The following VPS13B variants were observed in gnomAD, a reference collection of about 807,000 sequenced individuals.
VPS13B encodes the protein vacuolar protein sorting 13 homolog B.
Under a neutral mutation model 426.4 loss-of-function variants are expected in VPS13B, and 285 were observed. The observed-to-expected ratio is 0.67, with a 90% CI of 0.61 to 0.74. VPS13B has a LOEUF of 0.74. Among genes scored for constraint, VPS13B ranks in the 30% least tolerant of loss-of-function variants. The pLI is 0.00. For synonymous variants in VPS13B, 1,676 were observed against 1,676.4 expected (o/e 1.00, Z 0.01); for missense variants, 4,537 against 4,782.6 (o/e 0.95, Z 1.51).
intron 17 of VPS13B, among the ~76,000 whole-genome samples, chr8:99,236,836 A>G (rs1816678677): frequency 6.6e-6 from 1 of 152,204 alleles, no homozygotes; most frequent in East Asian, 1.9e-4. Flanking sequence ...ACATTTGATA[A>G]TGCTGTGGTA....
At chr8:99,125,855 CTCTT>C (rs1244179675) in intron 8 of VPS13B, among the ~76,000 whole-genome samples, 1 of 151,786 alleles carries the variant, frequency 6.6e-6, no homozygotes, top group African/African-American at 2.4e-5. Context: ...GTACAGAAAA[CTCTT>C]TCAAGACAGT....
intron 16 of VPS13B, among the ~76,000 whole-genome samples, chr8:99,190,195 A>G (rs553668087): frequency 6.6e-6 from 1 of 152,158 alleles, no homozygotes; most frequent in South Asian, 2.1e-4. Context: ...TTTGTTCCAG[A>G]GTTTACTTTG....
chr8:99,080,873 A>C (rs942296615), intron 3 of VPS13B, among the ~76,000 whole-genome samples: 2 of 152,072 alleles, frequency 1.3e-5, no homozygotes, highest in African/African-American at 4.8e-5. Context: ...CTATTTCACC[A>C]TCTTCTTCTT....
intron 24 of VPS13B, among the ~76,000 whole-genome samples, chr8:99,479,489 A>G (rs1156649089): frequency 1.3e-5 from 2 of 152,190 alleles, no homozygotes; most frequent in African/African-American, 4.8e-5. Flanking sequence ...CATACAATAA[A>G]CTGCATGTTT....
At chr8:99,832,036 G>C (rs371652112) in intron 51 of VPS13B, among the ~76,000 whole-genome samples, 2 of 152,090 alleles carry the variant, frequency 1.3e-5, no homozygotes, top group Non-Finnish European at 2.9e-5. Context: ...CAAGGTGGGC[G>C]GATCACTTGA....
intron 55 of VPS13B, among the ~76,000 whole-genome samples, chr8:99,852,835 C>T (rs927531921): frequency 1.1e-4 from 16 of 151,982 alleles, no homozygotes; most frequent in Non-Finnish European, 1.5e-5. Flanking sequence ...TGAGAGATGA[C>T]AGCATGTTTA....
intron 35 of VPS13B, chr8:99,696,562 G>C (rs1832013071): frequency 1.9e-6 from 1 of 516,472 alleles, no homozygotes; most frequent in Admixed American, 2.9e-5. Flanking sequence ...CTCTTCCCCA[G>C]CATGCCAGCA....
intron 22 of VPS13B, among the ~76,000 whole-genome samples, chr8:99,441,266 ATTAT>A (rs957383959): frequency 6.6e-6 from 1 of 152,120 alleles, no homozygotes; most frequent in African/African-American, 2.4e-5. Context: ...AGGTTGACAA[ATTAT>A]TTATCCTATC....
At chr8:99,614,102 C>T (rs1827961337) in intron 33 of VPS13B, 1 of 152,064 alleles carries the variant, frequency 6.6e-6, no homozygotes. Flanking sequence ...CTAGTTTATA[C>T]CCCTCAGTTA....
Position 99,670,618 on chromosome 8 carries a change from C to CATTCA in VPS13B, c.6046+9128_6046+9132dup, listed in dbSNP as rs374222181. On this transcript the variant is annotated intron_variant, in intron 35 of 61. Coordinates refer to ENST00000357162, the MANE Select transcript of VPS13B (RefSeq NM_152564.5). Reference sequence around the variant, plus strand: ...TCCTGCAAAACTGAAACTTTGTACCCATTCACCAACCTCTCCATATTGTCC... The same window carrying CATTCA: ...TCCTGCAAAACTGAAACTTTGTACCCATTCAATTCACCAACCTCTCCATATTGTCC... Among the ~76,000 whole-genome samples the CATTCA allele has an allele frequency of 1.2e-4, 19 of 152,162 alleles. 2 individuals are homozygous for CATTCA. The highest frequency in any genetic ancestry group is 4.6e-4 in the African/African-American group (19 of 41,524).
At chr8:99,084,971 T>C (rs939999663) in intron 3 of VPS13B, among the ~76,000 whole-genome samples, 3 of 151,070 alleles carry the variant, frequency 2.0e-5, no homozygotes, top group African/African-American at 4.9e-5. Flanking sequence ...CTATTAGGTC[T>C]GCTTGGTGCA....
chr8:99,437,470 C>T (rs370405272), intron 22 of VPS13B, among the ~76,000 whole-genome samples: 1 of 151,732 alleles, frequency 6.6e-6, no homozygotes, highest in South Asian at 2.1e-4. Context: ...GTAATCCCAG[C>T]ACTTTGGAAG....
At chr8:99,825,923 T>G (rs1004626582) in intron 51 of VPS13B, among the ~76,000 whole-genome samples, 2 of 152,048 alleles carry the variant, frequency 1.3e-5, no homozygotes, top group Admixed American at 6.6e-5. Context: ...TGTTCCATTG[T>G]TCTATATATC....
intron 25 of VPS13B, among the ~76,000 whole-genome samples, chr8:99,490,461 G>A (rs563094640): frequency 4.1e-4 from 63 of 152,276 alleles, no homozygotes; most frequent in Admixed American, 1.2e-3. Flanking sequence ...GATTGGAATA[G>A]TTTCAGAAGG....
rs796917717 is a variant in VPS13B, at chr8:99,179,334, T to C, written c.2333+9171T>C. On this transcript the variant is annotated intron_variant, in intron 16 of 61. Transcript: ENST00000357162. ...TTATGACCTCTTTACTAGAATACTTTGCTTCTTACAATTTATATGGTAAAG... is the reference window on the plus strand; with the variant it reads ...TTATGACCTCTTTACTAGAATACTTCGCTTCTTACAATTTATATGGTAAAG... 5.1e-4 allele frequency among the ~76,000 whole-genome samples: 77 copies of C among 152,322 alleles called. 1 individual carries two copies. Among genetic ancestry groups the C allele is most frequent in the Middle Eastern group, 3.4e-3 (1 of 294 alleles).
chr8:99,555,003 A>G (rs1258976276), intron 30 of VPS13B, among the ~76,000 whole-genome samples: 1 of 152,070 alleles, frequency 6.6e-6, no homozygotes, highest in Non-Finnish European at 1.5e-5. Context: ...GAATCATGAG[A>G]ATTATCCTCA....
At chr8:99,478,686 T>A (rs913698482) in intron 24 of VPS13B, among the ~76,000 whole-genome samples, 1 of 151,848 alleles carries the variant, frequency 6.6e-6, no homozygotes, top group Non-Finnish European at 1.5e-5. Flanking sequence ...TGACCTCAGG[T>A]GATCCGCCTG....
chr8:99,087,205 A>T (rs1215932023), intron 3 of VPS13B, among the ~76,000 whole-genome samples: 1 of 152,022 alleles, frequency 6.6e-6, no homozygotes, highest in African/African-American at 2.4e-5. Context: ...TTGATCTCAG[A>T]CTGCTGTGCT....
At chr8:99,584,143 T>A (rs1826199622) in intron 33 of VPS13B, among the ~76,000 whole-genome samples, 1 of 152,130 alleles carries the variant, frequency 6.6e-6, no homozygotes, top group South Asian at 2.1e-4. Flanking sequence ...TTTCTTAAAA[T>A]CTAGGCCTGG....
Sources: gnomAD v4.1 joint callset for allele counts (sites outside exome capture counted in the v4.1 genomes callset) on GRCh38, gnomAD v4.1.1 for gene constraint, MANE v1.5 for transcripts, NCBI Gene and HGNC (gene_info 2026-07-23, HGNC 2026-07-21) for gene names.